Variants in SHB observed in about 807,000 individuals in gnomAD.
SHB encodes SH2 domain-containing adapter protein B.
A neutral mutation model predicts 52.3 loss-of-function variants in SHB; 20 were observed. The observed-to-expected ratio is 0.38, with a 90% CI of 0.27 to 0.56. The LOEUF (loss-of-function observed/expected upper bound fraction) is 0.56, where lower values mean the gene tolerates loss of function less well. SHB is among the 20% of genes least tolerant of loss of function. The probability of loss-of-function intolerance (pLI) is 0.71; values close to 1 mark genes in which losing one functional copy is unlikely to be tolerated. For synonymous variants in SHB, 397 were observed against 316.5 expected (o/e 1.25, Z -2.70); for missense variants, 825 against 723.3 (o/e 1.14, Z -1.61).
intron 5 of SHB, among the ~76,000 whole-genome samples, chr9:37,922,060 A>G (rs1832187914): frequency 6.6e-6 from 1 of 152,208 alleles, no homozygotes; most frequent in Non-Finnish European, 1.5e-5. Context: ...CTCTGCGTGC[A>G]TGCACTGAGT....
At chr9:37,992,880 AACACAC>A (rs4008196) in intron 2 of SHB, among the ~76,000 whole-genome samples, 4 of 150,500 alleles carry the variant, frequency 2.7e-5, no homozygotes, top group Admixed American at 1.3e-4. Context: ...CACACACACA[AACACAC>A]ACACACACAC....
chr9:37,963,058 A>G (rs540056107), intron 3 of SHB, among the ~76,000 whole-genome samples: 1 of 152,264 alleles, frequency 6.6e-6, no homozygotes, highest in East Asian at 1.9e-4. Flanking sequence ...AGCCCTGGGC[A>G]GCCTCCCCAA....
chr9:37,922,378 C>T (rs1181479135), intron 5 of SHB, among the ~76,000 whole-genome samples: 1 of 152,208 alleles, frequency 6.6e-6, no homozygotes, highest in Non-Finnish European at 1.5e-5. Flanking sequence ...CTCCTCTGTT[C>T]CCAGGTTAGG....
At chr9:38,046,500 G>T (rs1315468552) in intron 1 of SHB, among the ~76,000 whole-genome samples, 1 of 152,228 alleles carries the variant, frequency 6.6e-6, no homozygotes, top group East Asian at 1.9e-4. Context: ...TCCGAGTAGG[G>T]CCCTCAGGAG....
At chr9:37,943,298 C>T (rs747706514) in intron 5 of SHB, among the ~76,000 whole-genome samples, 11 of 152,128 alleles carry the variant, frequency 7.2e-5, no homozygotes, top group Non-Finnish European at 1.0e-4. Flanking sequence ...CTTTCTACTT[C>T]GGGCAGCCCT....
intron 5 of SHB, among the ~76,000 whole-genome samples, chr9:37,944,311 T>C (rs888175442): frequency 3.3e-5 from 5 of 152,114 alleles, no homozygotes; most frequent in Non-Finnish European, 7.4e-5. Flanking sequence ...TCCAGGGACC[T>C]GTCTGGTCAC....
rs78275218 is a variant in SHB at position 37,929,062 on chromosome 9, G to A, written c.1347-9058C>T. On this transcript the variant is annotated intron_variant, in intron 5 of 5. Transcript: ENST00000377707. ...TGGAGAGGGGGGTGGGCCTTGGGGT[G>A]CCTGAGGATGGTGCTGTACGCAGCC... 8.4e-3 allele frequency among the ~76,000 whole-genome samples: 1,273 copies of A among 152,370 alleles called. 17 individuals carry two copies. Among genetic ancestry groups the A allele is most frequent in the African/African-American group, 0.029 (1,208 of 41,580 alleles).
intron 1 of SHB, among the ~76,000 whole-genome samples, chr9:38,038,815 G>A (rs140476209): frequency 3.8e-3 from 584 of 152,286 alleles, no homozygotes; most frequent in Non-Finnish European, 6.5e-3. Flanking sequence ...GGGTGTTGGG[G>A]AGTGACAGTG....
intron 1 of SHB, among the ~76,000 whole-genome samples, chr9:38,067,578 G>A (rs578187203): frequency 5.0e-4 from 76 of 152,268 alleles, no homozygotes; most frequent in African/African-American, 1.7e-3. Flanking sequence ...TGGGATAAGG[G>A]GTGTCAGGAG....
chr9:38,064,464 T>C (rs1821935804), intron 1 of SHB, among the ~76,000 whole-genome samples: 4 of 152,192 alleles, frequency 2.6e-5, no homozygotes, highest in African/African-American at 9.7e-5. Flanking sequence ...CACACGTCTA[T>C]GTTCACACAC....
intron 3 of SHB, among the ~76,000 whole-genome samples, chr9:37,971,855 G>C (rs1820593656): frequency 6.6e-6 from 1 of 152,172 alleles, no homozygotes; most frequent in African/African-American, 2.4e-5. Context: ...ACCACCTTTG[G>C]GCAGAAGTGG....
rs562768912 is a variant in SHB, at chr9:38,018,835, C to T, written c.718-2704G>A. On this transcript the variant is annotated intron_variant, in intron 1 of 5. Transcript: ENST00000377707. ...ACTGTCCAAGCTGCCTGGGGCTCAC[C>T]GCCAGTCCAGATGGCCATGCAGAAG... Among the ~76,000 whole-genome samples the T allele has an allele frequency of 9.2e-5, 14 of 152,254 alleles. No individual in the cohort carries two copies. The South Asian group carries it at 1.7e-3, about 18-fold the overall frequency.
intron 5 of SHB, among the ~76,000 whole-genome samples, chr9:37,939,024 C>T (rs1832407289): frequency 6.6e-6 from 1 of 152,194 alleles, no homozygotes; most frequent in African/African-American, 2.4e-5. Flanking sequence ...CTCCTCACTC[C>T]TCCTCCCTCT....
chr9:37,975,981 G>A (rs1820648368), intron 2 of SHB, among the ~76,000 whole-genome samples: 1 of 152,158 alleles, frequency 6.6e-6, no homozygotes, highest in South Asian at 2.1e-4. Flanking sequence ...CGTGCTTGCT[G>A]CCTACTTTAT....
At chr9:38,039,810 T>C (rs561455601) in intron 1 of SHB, among the ~76,000 whole-genome samples, 168 of 152,328 alleles carry the variant, frequency 1.1e-3, no homozygotes, top group African/African-American at 3.5e-3. Context: ...GCTGGTCCAG[T>C]AGGCCACAGG....
At chr9:38,048,006 A>G (rs1051276027) in intron 1 of SHB, among the ~76,000 whole-genome samples, 2 of 152,220 alleles carry the variant, frequency 1.3e-5, no homozygotes, top group African/African-American at 4.8e-5. Flanking sequence ...CAGCATTCCA[A>G]CACAATGAGA....
chr9:37,974,707 G>C lies in SHB; in HGVS notation c.969C>G (p.Ser323Arg), dbSNP rs755704312. The C allele has an allele frequency of 1.2e-6, 2 of 1,614,064 alleles. No individual in the cohort carries two copies. The highest frequency in any genetic ancestry group is 1.7e-6 in the Non-Finnish European group (2 of 1,180,004). The change falls in exon 3 of 6, where the codon AGC becomes AGG. Residue 323 changes from serine to arginine, a missense_variant. Coordinates refer to ENST00000377707, the MANE Select transcript of SHB (RefSeq NM_003028.3). ...ESTVSPRLRESKLPQDDDRPA... is the reference protein window; with the variant it reads ...ESTVSPRLRERKLPQDDDRPA... ...GCCTGTCGTCATCCTGGGGCAGCTT[G>C]CTCTCCCGCAGTCGGGGGCTGACTG...
Position 37,919,833 on chromosome 9 carries a change from C to A in SHB, c.1518G>T (p.Val506=), listed in dbSNP as rs766714557. The change falls in exon 6 of 6, where the codon GTG becomes GTT. Residue 506 remains valine, a synonymous_variant. Coordinates refer to ENST00000377707, the MANE Select transcript of SHB (RefSeq NM_003028.3). Reference sequence around the variant, plus strand: ...AGGTCTGGTCCGCTCACAGGGTCCTCACAGCCACGGGATAGAGGAGGGACA... The same window carrying A: ...AGGTCTGGTCCGCTCACAGGGTCCTAACAGCCACGGGATAGAGGAGGGACA... ...EHLSLLYPVA[V]RTL 1 of 1,613,610 alleles carries A rather than the reference C, an allele frequency of 6.2e-7. No homozygotes were observed. Among genetic ancestry groups the A allele is most frequent in the South Asian group, 1.1e-5 (1 of 91,058 alleles).
chr9:38,033,860 C>G (rs1264778466), intron 1 of SHB, among the ~76,000 whole-genome samples: 1 of 144,662 alleles, frequency 6.9e-6, no homozygotes, highest in Non-Finnish European at 1.5e-5. Context: ...ATCCTGACAC[C>G]CCCCCAGCAC....
Sources: allele counts gnomAD v4.1 joint callset (sites outside exome capture counted in the v4.1 genomes callset), GRCh38; gene constraint gnomAD v4.1.1; transcripts MANE v1.5; gene names NCBI Gene and HGNC (gene_info 2026-07-23, HGNC 2026-07-21).